Variants in MFAP5 observed in about 807,000 individuals in gnomAD.
The protein encoded by MFAP5 is microfibril associated protein 5.
In MFAP5, 19 loss-of-function variants were observed where a neutral mutation model predicts 30.1. The ratio of observed to expected loss-of-function variants is 0.63; its 90% CI spans 0.44 to 0.93. The LOEUF is 0.93. Among genes scored for constraint, MFAP5 ranks in the 40% least tolerant of loss-of-function variants. The pLI is 0.00. For missense variants in MFAP5, 210 were observed against 221.3 expected (o/e 0.95, Z 0.32); for synonymous variants, 92 against 72.9 (o/e 1.26, Z -1.33).
rs768033874 is a variant in MFAP5, at chr12:8,648,216, C to T, written c.410-13G>A. On this transcript the variant is annotated splice_polypyrimidine_tract_variant and intron_variant, in intron 9 of 9. Coordinates refer to ENST00000359478, the MANE Select transcript of MFAP5 (RefSeq NM_003480.4). Reference sequence around the variant, plus strand: ...CGGCAAAGCTCATCTAGAAGAGAAGCAGAACATCATGGGAAGAGAATGCAG... The same window carrying T: ...CGGCAAAGCTCATCTAGAAGAGAAGTAGAACATCATGGGAAGAGAATGCAG... The T allele has an allele frequency of 1.9e-6, 3 of 1,592,710 alleles. No homozygotes were observed. Among genetic ancestry groups the T allele is most frequent in the Non-Finnish European group, 2.6e-6 (3 of 1,160,794 alleles).
In MFAP5 at chr12:8,660,876, A is replaced by C. The variant is rs1555140533; in HGVS notation, c.81T>G (p.Asn27Lys). The C allele has an allele frequency of 6.8e-6, 11 of 1,612,584 alleles. No homozygotes were observed. The East Asian group carries it at 2.5e-4, about 36-fold the overall frequency. Residue 27 changes from asparagine (N) to lysine (K), a missense_variant, in exon 3 of 10, where the codon AAT becomes AAG. Coordinates refer to ENST00000359478, the MANE Select transcript of MFAP5 (RefSeq NM_003480.4). ...ITSDWIPLGV[N>K]SQRGDDVTQA... is the part of the protein sequence containing the mutation. Reference sequence around the variant, plus strand: ...GGGTTCACCTACCTCCTCGTTGACTATTGACCCCCAGGGGTATCCAGTCTA... The same window carrying C: ...GGGTTCACCTACCTCCTCGTTGACTCTTGACCCCCAGGGGTATCCAGTCTA...
At chr12:8,656,573 A>AATATATATAT (rs71957081) in intron 3 of MFAP5, among the ~76,000 whole-genome samples, 15 of 128,548 alleles carry the variant, frequency 1.2e-4, no homozygotes, top group African/African-American at 5.0e-4. Context: ...ATGCCTGGCT[A>AATATATATAT]ATATATATAT....
At position 8,662,081 on chromosome 12, in the gene MFAP5, C is replaced by G. The variant is rs1279885534; in HGVS notation, c.24G>C (p.Val8=). 1 of 1,613,804 alleles carries G rather than the reference C, an allele frequency of 6.2e-7. No homozygotes were observed. Among genetic ancestry groups the G allele is most frequent in the Non-Finnish European group, 8.5e-7 (1 of 1,180,024 alleles). The change falls in exon 2 of 10, where the codon GTG becomes GTC. Residue 8 remains valine, a synonymous_variant. Coordinates refer to ENST00000359478, the MANE Select transcript of MFAP5 (RefSeq NM_003480.4). ...TGATGAATGCAGCAAGAAACAGCAG[C>G]ACCTTGGGTCCCAAGAGCGACATAT... The part of the protein sequence containing the change: MSLLGPK[V]LLFLAAFIIT...
rs557628368 is a variant in MFAP5 at position 8,659,331 on chromosome 12, G to T, written c.94+1532C>A. ...CTCGAAAAAAAAAAAAAATAAAAGG[G>T]TCTCACTATATTGCCCAGGCTGATC... On this transcript the variant is annotated intron_variant, in intron 3 of 9. Transcript: ENST00000359478. Among the ~76,000 whole-genome samples the T allele has an allele frequency of 1.3e-3, 195 of 151,450 alleles. 2 individuals carry two copies. The highest frequency in any genetic ancestry group is 2.7e-3 in the Non-Finnish European group (185 of 67,858).
chr12:8,656,244 T>C (rs1941982523), intron 3 of MFAP5, among the ~76,000 whole-genome samples: 1 of 151,454 alleles, frequency 6.6e-6, no homozygotes, highest in South Asian at 2.1e-4. Context: ...GTATTTTTAG[T>C]AGAGACGGGG....
intron 3 of MFAP5, among the ~76,000 whole-genome samples, chr12:8,656,668 A>ATTTTTTT (rs1555139703): frequency 1.7e-5 from 2 of 118,804 alleles, no homozygotes; most frequent in African/African-American, 7.1e-5. Flanking sequence ...ATATATATAT[A>ATTTTTTT]TTTTTTTTTT....
intron 3 of MFAP5, among the ~76,000 whole-genome samples, chr12:8,658,933 C>T (rs757861976): frequency 6.6e-6 from 1 of 151,408 alleles, no homozygotes; most frequent in East Asian, 1.9e-4. Context: ...TGGGCTCAAG[C>T]GATCCTTTCA....
chr12:8,650,801 G>A (rs967434736), intron 7 of MFAP5, among the ~76,000 whole-genome samples: 7 of 152,172 alleles, frequency 4.6e-5, no homozygotes, highest in African/African-American at 1.7e-4. Flanking sequence ...TCCCTACTTG[G>A]AAGTAGAAGT....
rs139348409 is a variant in MFAP5 at position 8,647,484 on chromosome 12, T to C, written c.*607A>G. ...TAGCAGAAGACATTTTGGGTCCTTATATATTGCTAGTAGGATTGTATAATT... is the reference window on the plus strand; with the variant it reads ...TAGCAGAAGACATTTTGGGTCCTTACATATTGCTAGTAGGATTGTATAATT... On this transcript the variant is annotated 3_prime_UTR_variant, in exon 10 of 10. Transcript: ENST00000359478. 2.0e-3 allele frequency: 300 copies of C among 152,366 alleles called. 2 individuals are homozygous for C. The highest frequency in any genetic ancestry group is 6.8e-3 in the African/African-American group (284 of 41,574). The allele number at this position is 152,366 out of a possible 1,614,324, so 9.4% of individuals were successfully genotyped here.
At chr12:8,658,448 T>C (rs191644560) in intron 3 of MFAP5, 10 of 152,340 alleles carry the variant, frequency 6.6e-5, no homozygotes, top group Admixed American at 2.0e-4. Flanking sequence ...TAGGATGTCA[T>C]TGATTGGAAG....
Position 8,648,757 on chromosome 12 carries a change from G to A in MFAP5, c.410-554C>T, listed in dbSNP as rs778652758. ...CACACAGCAAGTTTCCTTCTGCGAA[G>A]TTAACTACAGCTCTTACTCAGGAAC... On this transcript the variant is annotated intron_variant, in intron 9 of 9. Coordinates refer to ENST00000359478, the MANE Select transcript of MFAP5 (RefSeq NM_003480.4). 1.1e-3 allele frequency among the ~76,000 whole-genome samples: 164 copies of A among 152,304 alleles called. 3 individuals carry two copies. The highest frequency in any genetic ancestry group is 3.8e-3 in the African/African-American group (159 of 41,564).
intron 3 of MFAP5, among the ~76,000 whole-genome samples, chr12:8,658,050 A>T (rs1237349920): frequency 6.6e-6 from 1 of 152,226 alleles, no homozygotes; most frequent in Non-Finnish European, 1.5e-5. Context: ...AATTCCAGAT[A>T]GAAATTCATC....
chr12:8,653,099 G>C (rs1473881042), intron 6 of MFAP5, among the ~76,000 whole-genome samples: 1 of 151,894 alleles, frequency 6.6e-6, no homozygotes, highest in Non-Finnish European at 1.5e-5. Flanking sequence ...GGCTGAAGCA[G>C]GAGAATTGCT....
At chr12:8,661,664 C>A (rs184821442) in intron 2 of MFAP5, among the ~76,000 whole-genome samples, 2 of 152,002 alleles carry the variant, frequency 1.3e-5, no homozygotes, top group Non-Finnish European at 1.5e-5. Context: ...TGTGAGCCCA[C>A]CATGCCCAGC....
chr12:8,650,668 A>T, intron 7 of MFAP5, 79 bp from the exon 8 acceptor site: 3 of 1,239,956 alleles, frequency 2.4e-6, no homozygotes, highest in Non-Finnish European at 3.5e-6. Context: ...ATTGGGAAGG[A>T]TAGATAGAGT....
chr12:8,651,716 C>G (rs368365640), intron 6 of MFAP5, 25 bp from the exon 7 acceptor site: 1 of 1,609,322 alleles, frequency 6.2e-7, no homozygotes, highest in South Asian at 1.1e-5. Flanking sequence ...TTTTATTCCA[C>G]TGTTACCAAT....
Position 8,655,481 on chromosome 12 carries a change from CA to C in MFAP5, c.140-35del, listed in dbSNP as rs1158149097. The C allele has an allele frequency of 4.4e-6, 7 of 1,596,886 alleles. No individual in the cohort carries two copies. In the East Asian group the frequency reaches 1.6e-4, roughly 36 times the overall value. The stretch of plus-strand genomic sequence containing the variant: ...ACACATAACAAGGAATGAAAAAATG[CA>C]GTCAGGAAAAGTAGCTAAGGAAAGC... On this transcript the variant is annotated intron_variant, in intron 4 of 9. Coordinates refer to ENST00000359478, the MANE Select transcript of MFAP5 (RefSeq NM_003480.4).
chr12:8,662,463 C>T (rs774662324), intron 1 of MFAP5, 164 bp downstream of exon 1: 2 of 230,846 alleles, frequency 8.7e-6, no homozygotes, highest in Non-Finnish European at 1.7e-5. Flanking sequence ...ATCATCTGCT[C>T]ATCTTGGCGT....
chr12:8,658,973 A>G (rs2136479511), intron 3 of MFAP5, among the ~76,000 whole-genome samples: 1 of 148,398 alleles, frequency 6.7e-6, no homozygotes, highest in South Asian at 2.1e-4. Flanking sequence ...TAGGACAACC[A>G]GCAAACCACC....
Sources: allele counts gnomAD v4.1 joint callset (sites outside exome capture counted in the v4.1 genomes callset), GRCh38; gene constraint gnomAD v4.1.1; transcripts MANE v1.5; gene names NCBI Gene and HGNC (gene_info 2026-07-23, HGNC 2026-07-21).